CLDN10: variants seen among roughly 807,000 people sequenced by gnomAD.
CLDN10 encodes claudin-10.
CLDN10 carries 15 observed loss-of-function variants against 22.9 expected under a neutral mutation model. That is an observed-to-expected ratio of 0.65 (90% CI 0.44 to 1.01). The LOEUF is 1.01. Ranked by LOEUF, CLDN10 falls within the 50% of genes least tolerant of loss-of-function variation. The pLI is 0.00. For missense variants in CLDN10, 247 were observed against 287.8 expected (o/e 0.86, Z 1.03); for synonymous variants, 114 against 111.4 (o/e 1.02, Z -0.15).
At chr13:95,512,467 G>A (rs1433299488) in intron 1 of CLDN10, among the ~76,000 whole-genome samples, 1 of 152,180 alleles carries the variant, frequency 6.6e-6, no homozygotes, top group Admixed American at 6.5e-5. Flanking sequence ...TGAGCAATGT[G>A]TTTTGCCAAC....
chr13:95,503,385 T>A (rs969767355), intron 1 of CLDN10, among the ~76,000 whole-genome samples: 1 of 152,198 alleles, frequency 6.6e-6, no homozygotes, highest in Non-Finnish European at 1.5e-5. Flanking sequence ...AGAATGCATT[T>A]TTATATAAAA....
chr13:95,510,068 G>C (rs559467790), intron 1 of CLDN10, among the ~76,000 whole-genome samples: 1 of 152,164 alleles, frequency 6.6e-6, no homozygotes, highest in Non-Finnish European at 1.5e-5. Context: ...AAATTGCAAC[G>C]GGAAAGCTCT....
At chr13:95,561,079 G>A (rs928607403) in intron 3 of CLDN10, 12 of 152,238 alleles carry the variant, frequency 7.9e-5, no homozygotes, top group African/African-American at 2.9e-4. Flanking sequence ...ACTATGGGCT[G>A]TTGCTTTTTA....
At chr13:95,546,408 A>G (rs1048724034) in intron 1 of CLDN10, among the ~76,000 whole-genome samples, 1 of 152,164 alleles carries the variant, frequency 6.6e-6, no homozygotes, top group East Asian at 1.9e-4. Flanking sequence ...ACCCCATTGC[A>G]TGGAGTTTTT....
intron 1 of CLDN10, among the ~76,000 whole-genome samples, chr13:95,463,333 T>C (rs2042554961): frequency 1.7e-5 from 1 of 60,558 alleles, no homozygotes; most frequent in Non-Finnish European, 5.1e-5. Context: ...TATTTGCCTT[T>C]TTTTTTTTTT....
chr13:95,567,576 A>G (rs1262954064), intron 3 of CLDN10, among the ~76,000 whole-genome samples: 1 of 152,204 alleles, frequency 6.6e-6, no homozygotes, highest in East Asian at 1.9e-4. Flanking sequence ...AACAGGGACA[A>G]TTTGACTTCC....
At chr13:95,554,723 T>C (rs1432959377) in intron 1 of CLDN10, among the ~76,000 whole-genome samples, 1 of 152,240 alleles carries the variant, frequency 6.6e-6, no homozygotes, top group East Asian at 1.9e-4. Context: ...AGTCAGTACT[T>C]AATAGAAGTG....
intron 1 of CLDN10, among the ~76,000 whole-genome samples, chr13:95,534,574 G>A (rs965392772): frequency 1.3e-5 from 2 of 152,012 alleles, no homozygotes; most frequent in African/African-American, 4.8e-5. Context: ...TTCAGAAACT[G>A]ATTGTTATAT....
intron 1 of CLDN10, among the ~76,000 whole-genome samples, chr13:95,461,734 C>G (rs536589233): frequency 6.6e-6 from 1 of 152,282 alleles, no homozygotes; most frequent in South Asian, 2.1e-4. Flanking sequence ...ACCACTTGAT[C>G]CCACAAGTGC....
chr13:95,496,954 G>A (rs890430518), intron 1 of CLDN10: 1 of 152,112 alleles, frequency 6.6e-6, no homozygotes, highest in Non-Finnish European at 1.5e-5. Flanking sequence ...CAGACAACCT[G>A]AACTCAATCC....
At chr13:95,514,637 G>A (rs935129530) in intron 1 of CLDN10, among the ~76,000 whole-genome samples, 3 of 152,174 alleles carry the variant, frequency 2.0e-5, no homozygotes, top group African/African-American at 7.2e-5. Flanking sequence ...CTTGTCAGCA[G>A]GTGAGAGTAG....
At chr13:95,455,197 G>GAAA (rs548591708) in intron 1 of CLDN10, among the ~76,000 whole-genome samples, 1 of 123,050 alleles carries the variant, frequency 8.1e-6, no homozygotes, top group Non-Finnish European at 1.8e-5. Flanking sequence ...GCCTCTAATA[G>GAAA]AAAAAAAAAA....
Position 95,533,072 on chromosome 13 carries a change from G to A in CLDN10, c.215-27060G>A, listed in dbSNP as rs527724463. On this transcript the variant is annotated intron_variant, in intron 1 of 4. Coordinates refer to the CLDN10 transcript ENST00000376873. ...ATGCATTTGTCAAAAGTTAGTGAAT[G>A]TACACTTAAGATTTATAAATTTCAT... Among the ~76,000 whole-genome samples, 14 of 152,018 alleles carry A rather than the reference G, an allele frequency of 9.2e-5. No homozygotes were observed. The South Asian group carries it at 2.1e-3, about 23-fold the overall frequency.
intron 1 of CLDN10, among the ~76,000 whole-genome samples, chr13:95,441,153 A>G (rs563665965): frequency 6.6e-6 from 1 of 152,334 alleles, no homozygotes; most frequent in East Asian, 1.9e-4. Flanking sequence ...TGACATTTGT[A>G]TTGCAGAGGG....
At chr13:95,565,761 G>C (rs953548454) in intron 3 of CLDN10, among the ~76,000 whole-genome samples, 2 of 151,978 alleles carry the variant, frequency 1.3e-5, no homozygotes, top group East Asian at 3.9e-4. Flanking sequence ...TTCTCCTAAT[G>C]CTATCCCTCC....
intron 1 of CLDN10, among the ~76,000 whole-genome samples, chr13:95,461,060 C>T (rs917446097): frequency 2.6e-5 from 4 of 151,970 alleles, no homozygotes; most frequent in African/African-American, 7.3e-5. Flanking sequence ...TGCAGTGAGC[C>T]GAGATCAGCT....
chr13:95,491,826 T>A (rs1488156720), intron 1 of CLDN10, among the ~76,000 whole-genome samples: 1 of 152,166 alleles, frequency 6.6e-6, no homozygotes, highest in Non-Finnish European at 1.5e-5. Context: ...GGCTGAAGGC[T>A]GTTGTTCAGA....
chr13:95,561,184 A>G (rs1244070393), intron 3 of CLDN10, among the ~76,000 whole-genome samples: 1 of 152,222 alleles, frequency 6.6e-6, no homozygotes, highest in African/African-American at 2.4e-5. Flanking sequence ...CTAAGAATGT[A>G]TCTACATCCC....
intron 1 of CLDN10, among the ~76,000 whole-genome samples, chr13:95,555,846 G>A (rs185133532): frequency 6.4e-4 from 97 of 152,228 alleles, no homozygotes; most frequent in Non-Finnish European, 2.9e-5. Flanking sequence ...GCCACATCTG[G>A]TGGGTGCTGG....
Sources: gnomAD v4.1 joint callset for allele counts (sites outside exome capture counted in the v4.1 genomes callset) on GRCh38, gnomAD v4.1.1 for gene constraint, MANE v1.5 for transcripts, NCBI Gene and HGNC (gene_info 2026-07-23, HGNC 2026-07-21) for gene names.